SSPN: variants seen among roughly 807,000 people sequenced by gnomAD.
The protein encoded by SSPN is K-ras oncogene-associated protein.
SSPN carries 15 observed loss-of-function variants against 19.1 expected under a neutral mutation model. The ratio of observed to expected loss-of-function variants is 0.78; its 90% CI spans 0.52 to 1.21. The LOEUF (loss-of-function observed/expected upper bound fraction) is 1.21. Among genes scored for constraint, SSPN ranks in the 50% most tolerant of loss-of-function variants. The pLI, the probability that SSPN is intolerant of heterozygous loss-of-function variation, is 0.00. For missense variants in SSPN, 291 were observed against 314.0 expected, an observed-to-expected ratio of 0.93 and a Z score of 0.55; for synonymous variants, 147 against 140.3, an observed-to-expected ratio of 1.05 and a Z score of -0.34.
intron 1 of SSPN, among the ~76,000 whole-genome samples, chr12:26,148,690 TG>T (rs1249825420): frequency 1.3e-5 from 2 of 152,208 alleles, no homozygotes; most frequent in African/African-American, 4.8e-5. Flanking sequence ...GACTGTAACA[TG>T]GTGCATTTTT....
chr12:26,214,806 A>G (rs1312616044), intron 1 of SSPN: 1 of 152,204 alleles, frequency 6.6e-6, no homozygotes, highest in Non-Finnish European at 1.5e-5. Context: ...AGAATTAATA[A>G]TAATAATAAC....
chr12:26,175,087 A>C (rs1313414347), intron 1 of SSPN, among the ~76,000 whole-genome samples: 1 of 152,216 alleles, frequency 6.6e-6, no homozygotes, highest in Non-Finnish European at 1.5e-5. Flanking sequence ...GCGAGGTCAT[A>C]TGATAGACGT....
chr12:26,151,391 A>G (rs1225182026), intron 1 of SSPN, among the ~76,000 whole-genome samples: 1 of 152,170 alleles, frequency 6.6e-6, no homozygotes, highest in Non-Finnish European at 1.5e-5. Context: ...TAAAAAAAAA[A>G]TCACATGCAT....
At chr12:26,157,123 G>A (rs1177040355) in intron 1 of SSPN, among the ~76,000 whole-genome samples, 1 of 152,204 alleles carries the variant, frequency 6.6e-6, no homozygotes, top group African/African-American at 2.4e-5. Context: ...CCAGATGAAT[G>A]GCATTCAGCT....
intron 1 of SSPN, chr12:26,124,071 C>G: frequency 6.3e-7 from 1 of 1,584,382 alleles, no homozygotes; most frequent in Non-Finnish European, 8.7e-7. Flanking sequence ...GTGCATCTTA[C>G]TGTCAATTTC....
intron 1 of SSPN, among the ~76,000 whole-genome samples, chr12:26,188,786 C>T (rs1591869439): frequency 6.6e-6 from 1 of 152,192 alleles, no homozygotes; most frequent in Non-Finnish European, 1.5e-5. Context: ...ATTGTTTCTG[C>T]ACTCATGGGA....
At chr12:26,186,532 A>G (rs1348673199) in intron 1 of SSPN, among the ~76,000 whole-genome samples, 1 of 152,226 alleles carries the variant, frequency 6.6e-6, no homozygotes, top group African/African-American at 2.4e-5. Flanking sequence ...ACACAAGTTG[A>G]CAAAAACATT....
intron 1 of SSPN, chr12:26,122,548 G>C (rs1944319765): frequency 8.3e-7 from 1 of 1,211,662 alleles, no homozygotes; most frequent in African/African-American, 1.6e-5. Context: ...AGCGAGCTGA[G>C]CAGGGCGGCG....
chr12:26,195,816 C>T lies in SSPN; in HGVS notation c.144C>T (p.Cys48=), dbSNP rs1262587273. 2.0e-6 allele frequency: 3 copies of T among 1,537,508 alleles called. No individual in the cohort carries two copies. The highest frequency in any genetic ancestry group is 2.5e-5 in the East Asian group (1 of 39,472). ...GGGAGGAGGAGCCCCGGACCTGCTGCGGCTGCCGGTTCCCGCTGCTGCTCG... is the reference window on the plus strand; with the variant it reads ...GGGAGGAGGAGCCCCGGACCTGCTGTGGCTGCCGGTTCCCGCTGCTGCTCG... ...ECGEEEPRTC[C]GCRFPLLLAL... The change falls in exon 1 of 3, where the codon TGC becomes TGT. Residue 48 remains cysteine, a synonymous_variant. Transcript: ENST00000242729.
chr12:26,136,595 T>A (rs1944426486), intron 1 of SSPN, among the ~76,000 whole-genome samples: 1 of 152,112 alleles, frequency 6.6e-6, no homozygotes, highest in Admixed American at 6.5e-5. Context: ...AAATTATGAG[T>A]GTCATAGAAA....
At chr12:26,142,436 G>C (rs774253045) in intron 1 of SSPN, among the ~76,000 whole-genome samples, 1 of 152,132 alleles carries the variant, frequency 6.6e-6, no homozygotes, top group Admixed American at 6.5e-5. Context: ...AATTTATTGC[G>C]TGAGTGAGAG....
chr12:26,212,834 C>T (rs751349149), intron 1 of SSPN, among the ~76,000 whole-genome samples: 2 of 151,922 alleles, frequency 1.3e-5, no homozygotes, highest in Non-Finnish European at 2.9e-5. Context: ...CTATTTTGAG[C>T]TTGGTTAGAT....
Position 26,202,342 on chromosome 12 carries a change from G to A in SSPN, c.279+6391G>A, listed in dbSNP as rs551157310. 2.6e-5 allele frequency among the ~76,000 whole-genome samples: 4 copies of A among 152,266 alleles called. No individual in the cohort carries two copies. The South Asian group carries it at 6.2e-4, about 24-fold the overall frequency. On this transcript the variant is annotated intron_variant, in intron 1 of 2. Coordinates refer to ENST00000242729, the MANE Select transcript of SSPN (RefSeq NM_005086.5). ...TTATGACATTTAAGACAACTATGAG[G>A]TAATAGTAAGGAATGTGTTATTACT... is the stretch of plus-strand genomic sequence containing the variant.
At chr12:26,144,273 G>C (rs1944477034) in intron 1 of SSPN, among the ~76,000 whole-genome samples, 1 of 152,164 alleles carries the variant, frequency 6.6e-6, no homozygotes, top group South Asian at 2.1e-4. Flanking sequence ...AAGTGATTTA[G>C]AATGCAGAAC....
chr12:26,198,431 A>G (rs1944849784), intron 1 of SSPN, among the ~76,000 whole-genome samples: 2 of 152,256 alleles, frequency 1.3e-5, no homozygotes, highest in Admixed American at 1.3e-4. Flanking sequence ...AATCAGAATG[A>G]TAATAATTCC....
intron 2 of SSPN, among the ~76,000 whole-genome samples, chr12:26,229,977 T>A (rs965212118): frequency 6.6e-6 from 1 of 152,158 alleles, no homozygotes; most frequent in Non-Finnish European, 1.5e-5. Context: ...ACTTTTTCAA[T>A]CCCAAAGCTA....
At chr12:26,142,771 T>C (rs1944468022) in intron 1 of SSPN, among the ~76,000 whole-genome samples, 1 of 152,162 alleles carries the variant, frequency 6.6e-6, no homozygotes, top group Admixed American at 6.5e-5. Context: ...ACACATTGGA[T>C]GAAAGATGTG....
intron 1 of SSPN, among the ~76,000 whole-genome samples, chr12:26,173,165 A>C (rs1458859962): frequency 6.6e-6 from 1 of 152,102 alleles, no homozygotes; most frequent in African/African-American, 2.4e-5. Flanking sequence ...GTGATTTCCA[A>C]CTTCCAGAAC....
rs59773537 is a variant in SSPN at position 26,172,767 on chromosome 12, C to CT, written c.-31+50628dup. 7.3e-3 allele frequency among the ~76,000 whole-genome samples: 1,057 copies of CT among 144,786 alleles called. 6 individuals carry two copies. The highest frequency in any genetic ancestry group is 0.016 in the African/African-American group (643 of 39,776). 95.0% of individuals were successfully genotyped at this position (144,786 alleles called of 152,430 possible). On this transcript the variant is annotated intron_variant, in intron 1 of 2. Transcript: ENST00000538142. ...GTTACATGGAATCCACTTTCTCTCT[C>CT]TTTTTTTTTTTTTGAAACGGAGTCT...
Sources: allele counts gnomAD v4.1 joint callset (sites outside exome capture counted in the v4.1 genomes callset), GRCh38; gene constraint gnomAD v4.1.1; transcripts MANE v1.5; gene names NCBI Gene and HGNC (gene_info 2026-07-23, HGNC 2026-07-21).